Variants in SMYD3 observed in about 807,000 individuals in gnomAD.
The protein encoded by SMYD3 is SET and MYND domain containing 3.
A neutral mutation model predicts 57.7 loss-of-function variants in SMYD3; 36 were observed. The observed-to-expected ratio is 0.62, with a 90% confidence interval of 0.48 to 0.82. The LOEUF (loss-of-function observed/expected upper bound fraction) is 0.82, where lower values mean the gene tolerates loss of function less well. SMYD3 is among the 40% of genes least tolerant of loss of function. The pLI, the probability that SMYD3 is intolerant of heterozygous loss-of-function variation, is 0.00. For missense variants in SMYD3, 515 were observed against 538.8 expected, an observed-to-expected ratio of 0.96 and a Z score of 0.44; for synonymous variants, 211 against 195.0, an observed-to-expected ratio of 1.08 and a Z score of -0.68.
At chr1:246,409,056 A>ATTTTTC (rs1271065577) in intron 1 of SMYD3, among the ~76,000 whole-genome samples, 1 of 151,906 alleles carries the variant, frequency 6.6e-6, no homozygotes, top group African/African-American at 2.4e-5. Context: ...GTTTGAGTTC[A>ATTTTTC]TTGTAGATTC....
intron 1 of SMYD3, among the ~76,000 whole-genome samples, chr1:246,503,970 A>AG (rs1316826630): frequency 3.4e-5 from 3 of 87,084 alleles, no homozygotes; most frequent in African/African-American, 9.0e-5. Flanking sequence ...AAAAAAAAAA[A>AG]AAAAAAAAGT....
At chr1:246,033,563 A>G (rs1321327230) in intron 5 of SMYD3, among the ~76,000 whole-genome samples, 3 of 152,156 alleles carry the variant, frequency 2.0e-5, no homozygotes, top group Non-Finnish European at 2.9e-5. Context: ...AGGCAGGCGG[A>G]TCACGTGAGG....
At chr1:246,114,137 G>C (rs2061304017) in intron 5 of SMYD3, among the ~76,000 whole-genome samples, 1 of 151,804 alleles carries the variant, frequency 6.6e-6, no homozygotes, top group Non-Finnish European at 1.5e-5. Flanking sequence ...TCTGACAGGG[G>C]ACAGTTTTAA....
At chr1:245,940,008 C>T (rs1363691348) in intron 5 of SMYD3, among the ~76,000 whole-genome samples, 2 of 152,200 alleles carry the variant, frequency 1.3e-5, no homozygotes, top group Non-Finnish European at 2.9e-5. Flanking sequence ...CACAGTGCAG[C>T]ATAGCGGCTA....
chr1:245,786,229 G>T (rs930556521), intron 10 of SMYD3, among the ~76,000 whole-genome samples: 2 of 149,428 alleles, frequency 1.3e-5, no homozygotes, highest in Non-Finnish European at 3.0e-5. Context: ...GGGGATGGTG[G>T]CAACAGAATA....
intron 5 of SMYD3, among the ~76,000 whole-genome samples, chr1:246,053,522 G>T (rs1399786214): frequency 6.6e-6 from 1 of 152,130 alleles, no homozygotes; most frequent in Non-Finnish European, 1.5e-5. Flanking sequence ...ATGGGCAATT[G>T]ATCTCCAACA....
intron 5 of SMYD3, among the ~76,000 whole-genome samples, chr1:246,170,266 T>C (rs2062305434): frequency 6.6e-6 from 1 of 152,084 alleles, no homozygotes; most frequent in African/African-American, 2.4e-5. Flanking sequence ...AATATCAGAA[T>C]AGTGTGATAT....
At chr1:246,400,554 A>G (rs1242781446) in intron 1 of SMYD3, among the ~76,000 whole-genome samples, 3 of 152,168 alleles carry the variant, frequency 2.0e-5, no homozygotes, top group African/African-American at 7.2e-5. Context: ...ATTTTTTTAA[A>G]ATTATTTCAG....
chr1:246,325,475 C>T (rs2065334405), intron 5 of SMYD3, among the ~76,000 whole-genome samples: 2 of 151,998 alleles, frequency 1.3e-5, no homozygotes, highest in Non-Finnish European at 2.9e-5. Context: ...GCCAATTATG[C>T]CCAAAAATCT....
intron 5 of SMYD3, among the ~76,000 whole-genome samples, chr1:246,091,839 A>C (rs2060828515): frequency 6.6e-6 from 1 of 152,204 alleles, no homozygotes; most frequent in Non-Finnish European, 1.5e-5. Context: ...CTTTAAACTC[A>C]AAGGTTTTTT....
chr1:246,232,620 AT>A (rs879428323), intron 5 of SMYD3, among the ~76,000 whole-genome samples: 2,159 of 144,750 alleles, frequency 0.015, 14 homozygotes, highest in African/African-American at 0.028. Context: ...CACTCCTTCA[AT>A]TCACACAGTG....
chr1:246,494,508 T>C (rs560755956), intron 1 of SMYD3, among the ~76,000 whole-genome samples: 54 of 152,350 alleles, frequency 3.5e-4, no homozygotes, highest in African/African-American at 1.2e-3. Flanking sequence ...AAAATACCAA[T>C]GATTCATAGA....
At chr1:246,493,551 A>T (rs76524172) in intron 1 of SMYD3, among the ~76,000 whole-genome samples, 2,713 of 152,270 alleles carry the variant, frequency 0.018, 41 homozygotes, top group Non-Finnish European at 0.027. Context: ...AATCCTGAGA[A>T]GCTTTTTCTC....
chr1:245,836,578 T>C (rs993861526), intron 10 of SMYD3, among the ~76,000 whole-genome samples: 7 of 152,188 alleles, frequency 4.6e-5, no homozygotes, highest in African/African-American at 1.7e-4. Context: ...AGGATGCGTA[T>C]TTCTAGTCAG....
intron 8 of SMYD3, among the ~76,000 whole-genome samples, chr1:245,915,185 A>G (rs1286914616): frequency 1.3e-5 from 2 of 152,218 alleles, no homozygotes; most frequent in African/African-American, 2.4e-5. Flanking sequence ...TTACCGAGCA[A>G]TAACTTGTCA....
intron 5 of SMYD3, among the ~76,000 whole-genome samples, chr1:246,238,581 A>G (rs941825328): frequency 6.6e-6 from 1 of 152,192 alleles, no homozygotes; most frequent in African/African-American, 2.4e-5. Flanking sequence ...ATGCAATCTT[A>G]TGCCATTCAA....
chr1:246,218,737 T>G (rs1472903426), intron 5 of SMYD3, among the ~76,000 whole-genome samples: 1 of 152,026 alleles, frequency 6.6e-6, no homozygotes, highest in African/African-American at 2.4e-5. Context: ...GTGTGTTCAA[T>G]AAAAATTATT....
At chr1:246,247,793 T>C (rs12119839) in intron 5 of SMYD3, among the ~76,000 whole-genome samples, 31,519 of 152,044 alleles carry the variant, frequency 0.21, 3,986 homozygotes, top group East Asian at 0.58. Context: ...AATAAATTCT[T>C]CTAGTAGATT....
chr1:246,335,492 G>A lies in SMYD3; in HGVS notation c.229-18C>T. Reference sequence around the variant, plus strand: ...GCTTTTTTCTATTAAAACAAGAGTGGGGAGAACATAGGTGACCTAAAATTT... The same window carrying A: ...GCTTTTTTCTATTAAAACAAGAGTGAGGAGAACATAGGTGACCTAAAATTT... On this transcript the variant is annotated intron_variant, in intron 2 of 11. Coordinates refer to ENST00000490107, the MANE Select transcript of SMYD3 (RefSeq NM_001167740.2). 2 of 1,606,226 alleles carry A rather than the reference G, an allele frequency of 1.2e-6. No individual in the cohort carries two copies. The highest frequency in any genetic ancestry group is 1.7e-6 in the Non-Finnish European group (2 of 1,172,998).
Sources: allele counts gnomAD v4.1 joint callset (sites outside exome capture counted in the v4.1 genomes callset), GRCh38; gene constraint gnomAD v4.1.1; transcripts MANE v1.5; gene names NCBI Gene and HGNC (gene_info 2026-07-23, HGNC 2026-07-21).